INPP4B: variants seen among roughly 807,000 people sequenced by gnomAD.
The protein encoded by INPP4B is inositol polyphosphate 4-phosphatase type II.
Under a neutral mutation model 122.5 loss-of-function variants are expected in INPP4B, and 55 were observed. That is an observed-to-expected ratio of 0.45 (90% confidence interval 0.36 to 0.56). INPP4B has a LOEUF of 0.56. Ranked by LOEUF, INPP4B falls within the 20% of genes least tolerant of loss-of-function variation. The pLI is 0.00. For missense variants in INPP4B, 1,000 were observed against 1,097.7 expected, an observed-to-expected ratio of 0.91 and a Z score of 1.26; for synonymous variants, 403 against 388.7, an observed-to-expected ratio of 1.04 and a Z score of -0.43.
chr4:142,528,377 T>G (rs928891626), intron 2 of INPP4B, among the ~76,000 whole-genome samples: 21 of 152,182 alleles, frequency 1.4e-4, no homozygotes, highest in African/African-American at 4.8e-4. Context: ...TCCAATCTAC[T>G]CATGTAGTTG....
At chr4:142,335,708 T>G (rs2151607311) in intron 7 of INPP4B, among the ~76,000 whole-genome samples, 1 of 152,348 alleles carries the variant, frequency 6.6e-6, no homozygotes, top group South Asian at 2.1e-4. Flanking sequence ...GTCAGTTAAC[T>G]TTTAGTCAGT....
intron 11 of INPP4B, among the ~76,000 whole-genome samples, chr4:142,242,051 TAATTA>T (rs2150032591): frequency 6.6e-6 from 1 of 152,354 alleles, no homozygotes; most frequent in Admixed American, 6.5e-5. Context: ...GTTGTTTAAT[TAATTA>T]TTCAGCTAAA....
chr4:142,556,344 T>G (rs1729165965), intron 2 of INPP4B, among the ~76,000 whole-genome samples: 1 of 152,204 alleles, frequency 6.6e-6, no homozygotes, highest in Non-Finnish European at 1.5e-5. Flanking sequence ...GGTAAGTCAT[T>G]ACTGGGTCCC....
chr4:142,029,169 T>G, intron 25 of INPP4B: 1 of 1,154,016 alleles, frequency 8.7e-7, no homozygotes, highest in Non-Finnish European at 1.1e-6. Context: ...ACTCTTTAAA[T>G]ATAATTTGCT....
chr4:142,164,346 T>C (rs1441809323), intron 16 of INPP4B, among the ~76,000 whole-genome samples: 4 of 151,858 alleles, frequency 2.6e-5, no homozygotes, highest in African/African-American at 4.8e-5. Flanking sequence ...AAAAAACATT[T>C]AAGGCAATGC....
intron 15 of INPP4B, among the ~76,000 whole-genome samples, chr4:142,188,486 C>CAAAAA (rs869298815): frequency 2.1e-4 from 2 of 9,490 alleles, no homozygotes; most frequent in Non-Finnish European, 4.1e-4. Context: ...GACTCCATCT[C>CAAAAA]AAAAAAAAAA....
intron 2 of INPP4B, among the ~76,000 whole-genome samples, chr4:142,664,313 A>G (rs1755669899): frequency 1.3e-5 from 2 of 152,188 alleles, no homozygotes; most frequent in Middle Eastern, 3.4e-3. Flanking sequence ...TCTCTTTGCC[A>G]TCTCTTCTCC....
chr4:142,043,628 CA>C (rs11335396), intron 25 of INPP4B, among the ~76,000 whole-genome samples: 122,145 of 149,728 alleles, frequency 0.82, 51,586 homozygotes, highest in Non-Finnish European at 0.92. Flanking sequence ...GATGAGGAGG[CA>C]AAAAAAAAAT....
intron 3 of INPP4B, among the ~76,000 whole-genome samples, chr4:142,448,225 G>A (rs1200941210): frequency 6.7e-6 from 1 of 150,264 alleles, no homozygotes; most frequent in East Asian, 2.0e-4. Context: ...CAGGCATGGA[G>A]TGCTGGATGC....
At chr4:142,159,717 C>T (rs1449738828) in intron 17 of INPP4B, among the ~76,000 whole-genome samples, 1 of 151,920 alleles carries the variant, frequency 6.6e-6, no homozygotes, top group South Asian at 2.1e-4. Flanking sequence ...GTTCCTCTGC[C>T]ATGGTACACC....
At chr4:142,261,969 C>T (rs776359678) in intron 10 of INPP4B, among the ~76,000 whole-genome samples, 21 of 152,166 alleles carry the variant, frequency 1.4e-4, no homozygotes, top group Non-Finnish European at 2.5e-4. Context: ...TTCTCTAAAT[C>T]GCATTTCTGA....
intron 1 of INPP4B, among the ~76,000 whole-genome samples, chr4:142,818,454 G>GTT (rs1157650838): frequency 6.6e-6 from 1 of 151,986 alleles, no homozygotes; most frequent in Non-Finnish European, 1.5e-5. Context: ...GTGTGTGTGT[G>GTT]TGTGTGTATT....
intron 9 of INPP4B, among the ~76,000 whole-genome samples, chr4:142,300,264 T>A (rs17015855): frequency 0.052 from 7,939 of 152,218 alleles, 316 homozygotes; most frequent in East Asian, 0.21. Context: ...TTTATCTTTT[T>A]ATCACTCTGA....
chr4:142,373,327 T>A (rs1452721357), intron 7 of INPP4B, among the ~76,000 whole-genome samples: 1 of 152,036 alleles, frequency 6.6e-6, no homozygotes, highest in Admixed American at 6.6e-5. Context: ...GAGAGAAAAG[T>A]GTGTTTTCGT....
chr4:142,837,014 A>C (rs561319426), intron 1 of INPP4B, among the ~76,000 whole-genome samples: 57 of 152,096 alleles, frequency 3.7e-4, no homozygotes, highest in Admixed American at 1.5e-3. Context: ...TAAAATACAA[A>C]AGTTAGCAGG....
intron 2 of INPP4B, among the ~76,000 whole-genome samples, chr4:142,644,267 G>A (rs1249756336): frequency 6.8e-6 from 1 of 146,970 alleles, no homozygotes; most frequent in Non-Finnish European, 1.5e-5. Context: ...GGGGTCAGGA[G>A]GAGGAGGAGT....
At chr4:142,600,053 T>A (rs765087085) in intron 2 of INPP4B, among the ~76,000 whole-genome samples, 1 of 152,142 alleles carries the variant, frequency 6.6e-6, no homozygotes, top group Admixed American at 6.5e-5. Context: ...ATATGAATTA[T>A]TGATATCCCC....
At chr4:142,120,507 T>C (rs957924986) in intron 21 of INPP4B, among the ~76,000 whole-genome samples, 4 of 152,114 alleles carry the variant, frequency 2.6e-5, no homozygotes, top group African/African-American at 9.7e-5. Flanking sequence ...CTCTCAGCAA[T>C]ATTTTGTGTC....
intron 2 of INPP4B, among the ~76,000 whole-genome samples, chr4:142,490,752 T>C (rs759442407): frequency 4.6e-5 from 7 of 152,154 alleles, no homozygotes; most frequent in Non-Finnish European, 7.3e-5. Context: ...ACCATTCTAC[T>C]CTCTGCTTTT....
Sources: allele counts gnomAD v4.1 joint callset (sites outside exome capture counted in the v4.1 genomes callset), GRCh38; gene constraint gnomAD v4.1.1; transcripts MANE v1.5; gene names NCBI Gene and HGNC (gene_info 2026-07-23, HGNC 2026-07-21).